The following ICOSLG variants were observed in gnomAD, a reference collection of about 807,000 sequenced individuals.
ICOSLG encodes ICOS ligand.
For missense variants in ICOSLG, 35 were observed against 158.4 expected (o/e 0.22, Z 4.18); for synonymous variants, 15 against 64.2 (o/e 0.23, Z 3.66).
In ICOSLG at chr21:44,227,933, C is replaced by T; in HGVS notation, c.*1597G>A. On this transcript the variant is annotated 3_prime_UTR_variant, in exon 6 of 6. Transcript: ENST00000400379. ...GGCAGGTGCCGGGGCTGGTCAGGGCCCAGGGCTGTACCCCTCAGCACTGGA... is the reference window on the plus strand; with the variant it reads ...GGCAGGTGCCGGGGCTGGTCAGGGCTCAGGGCTGTACCCCTCAGCACTGGA... 3 of 463,636 alleles carry T rather than the reference C, an allele frequency of 6.5e-6. 1 individual carries two copies. Among genetic ancestry groups the T allele is most frequent in the Non-Finnish European group, 7.5e-6 (3 of 398,930 alleles). 28.7% of individuals were successfully genotyped at this position (463,636 alleles called of 1,614,324 possible).
At chr21:44,225,552 T>G (rs1284211789), downstream of ICOSLG, 1 of 6,242 alleles carries the variant, frequency 1.6e-4, no homozygotes, top group African/African-American at 1.3e-3. Flanking sequence ...GCATGGGGAG[T>G]GGGAGGGGGG....
downstream of ICOSLG, chr21:44,224,523 G>A (rs2039942164): frequency 5.3e-5 from 3 of 56,794 alleles, 1 homozygote; most frequent in South Asian, 7.3e-4. Flanking sequence ...GACCAACATG[G>A]TGAAACCCTG....
rs944654335 is a variant in ICOSLG, at chr21:44,232,763, C to T, written c.698-1319G>A. ...TTGAGACACAGTCTTCCTCTGTCGC[C>T]CACTCTGGAGTGTAGTGGTGCGGTC... On this transcript the variant is annotated intron_variant, in intron 4 of 5. Coordinates refer to ENST00000400379, the Ensembl canonical transcript of ICOSLG. Among the ~76,000 whole-genome samples, 13 of 90,358 alleles carry T rather than the reference C, an allele frequency of 1.4e-4. 2 individuals are homozygous for T. The highest frequency in any genetic ancestry group is 5.3e-4 in the African/African-American group (12 of 22,690). The allele number at this position is 90,358 out of a possible 152,430, so 59.3% of individuals were successfully genotyped here. A position where few individuals can be genotyped will look rare whatever the true frequency, so the allele number is the denominator to read the frequency against.
intron 5 of ICOSLG, among the ~76,000 whole-genome samples, chr21:44,230,733 CG>C (rs373744284): frequency 4.4e-5 from 1 of 22,548 alleles, no homozygotes; most frequent in African/African-American, 1.3e-4. Flanking sequence ...CCTGCCCACC[CG>C]ACCTGCAGGG....
Position 44,227,324 on chromosome 21 carries a change from G to A in ICOSLG, c.*2206C>T, listed in dbSNP as rs1362168940. On this transcript the variant is annotated 3_prime_UTR_variant, in exon 6 of 6. Transcript: ENST00000400379. Reference sequence around the variant, plus strand: ...CTCAGTCCTGGGGCTTAGGACCTCTGGGTGCCCCCGCAGGTCCGTCCTGGA... The same window carrying A: ...CTCAGTCCTGGGGCTTAGGACCTCTAGGTGCCCCCGCAGGTCCGTCCTGGA... 3.3e-5 allele frequency: 25 copies of A among 761,040 alleles called. 9 individuals are homozygous for A. Among genetic ancestry groups the A allele is most frequent in the Non-Finnish European group, 3.9e-5 (25 of 634,958 alleles). The allele number at this position is 761,040 out of a possible 1,614,324, so 47.1% of individuals were successfully genotyped here. A position where few individuals can be genotyped will look rare whatever the true frequency, so the allele number is the denominator to read the frequency against.
downstream of ICOSLG, chr21:44,225,536 G>A (rs2039953596): frequency 6.9e-5 from 1 of 14,594 alleles, no homozygotes; most frequent in Non-Finnish European, 1.2e-4. Flanking sequence ...GGGTGAGCTG[G>A]GGACAGCATG....
In ICOSLG at chr21:44,229,874, G is replaced by A. The variant is rs533685185; in HGVS notation, c.1078C>T (p.Leu360Phe). Residue 360 changes from leucine to phenylalanine, a missense_variant, in exon 6 of 6, where the codon CTT becomes TTT. Coordinates refer to ENST00000400379, the Ensembl canonical transcript of ICOSLG. ...ACACCAGGATGCCATCCCATGCCAA[G>A]GGGAGGCTGCAGGAAATGCCATGCG... is the stretch of plus-strand genomic sequence containing the variant. 2 of 838,880 alleles carry A rather than the reference G, an allele frequency of 2.4e-6. 1 individual carries two copies. The highest frequency in any genetic ancestry group is 5.0e-5 in the African/African-American group (2 of 39,854). 52.0% of individuals were successfully genotyped at this position (838,880 alleles called of 1,614,324 possible).
rs115284714 is a variant in ICOSLG at position 44,229,031 on chromosome 21, C to T, written c.*499G>A. ...TGTCCACGCTCTGGGCGGTGAGCTCCGGTCAAACGTGGCCTTGGAAGGGAG... is the reference window on the plus strand; with the variant it reads ...TGTCCACGCTCTGGGCGGTGAGCTCTGGTCAAACGTGGCCTTGGAAGGGAG... On this transcript the variant is annotated 3_prime_UTR_variant, in exon 6 of 6. Coordinates refer to ENST00000400379, the Ensembl canonical transcript of ICOSLG. 2 of 388,020 alleles carry T rather than the reference C, an allele frequency of 5.2e-6. 1 individual carries two copies. The highest frequency in any genetic ancestry group is 1.8e-4 in the African/African-American group (2 of 11,210). 24.0% of individuals were successfully genotyped at this position (388,020 alleles called of 1,614,324 possible). A position where few individuals can be genotyped will look rare whatever the true frequency, so the allele number is the denominator to read the frequency against.
chr21:44,230,596 C>CACAGACCT (rs1205756463), intron 5 of ICOSLG, among the ~76,000 whole-genome samples: 1 of 13,418 alleles, frequency 7.5e-5, no homozygotes, highest in Non-Finnish European at 1.8e-4. Flanking sequence ...ATGGCTGAAA[C>CACAGACCT]ACAGACCTCC....
Position 44,227,359 on chromosome 21 carries a change from C to T in ICOSLG, c.*2171G>A. On this transcript the variant is annotated 3_prime_UTR_variant, in exon 6 of 6. Transcript: ENST00000400379. ...GCAGGTCCGTCCTGGAGTCACTTCA[C>T]AGTCACTGCAAATGGGCACCACAGC... The T allele has an allele frequency of 2.7e-6, 2 of 745,252 alleles. 1 individual carries two copies. The highest frequency in any genetic ancestry group is 3.2e-6 in the Non-Finnish European group (2 of 623,512). The allele number at this position is 745,252 out of a possible 1,614,324, so 46.2% of individuals were successfully genotyped here. A position where few individuals can be genotyped will look rare whatever the true frequency, so the allele number is the denominator to read the frequency against.
At chr21:44,224,312 G>A (rs1424124865), downstream of ICOSLG, 2 of 29,732 alleles carry the variant, frequency 6.7e-5, 1 homozygote, top group East Asian at 1.3e-3. Context: ...ATGAGCCACC[G>A]CACCCGGCCT....
chr21:44,231,023 A>AC (rs1212549986), intron 5 of ICOSLG, among the ~76,000 whole-genome samples: 4 of 77,650 alleles, frequency 5.2e-5, no homozygotes, highest in South Asian at 1.1e-3. Flanking sequence ...GGCGCCTGCC[A>AC]CACGCCCGGC....
rs1601930395 is a variant in ICOSLG at position 44,229,894 on chromosome 21, C to T, written c.1058G>A (p.Trp353Ter). ...GCCAAGGGGAGGCTGCAGGAAATGC[C>T]ATGCGCACCATCGAGGGCTTCGCTG... The change falls in exon 6 of 6, where the codon TGG becomes TAG. Residue 353 changes from tryptophan to a stop codon, truncating the protein, a stop_gained. Coordinates refer to ENST00000400379, the Ensembl canonical transcript of ICOSLG. LOFTEE classifies it low-confidence loss of function (END_TRUNC). 1.2e-6 allele frequency: 1 copy of T among 804,418 alleles called. No homozygotes were observed. The highest frequency in any genetic ancestry group is 2.7e-5 in the African/African-American group (1 of 36,690). The allele number at this position is 804,418 out of a possible 1,614,324, so 49.8% of individuals were successfully genotyped here.
At chr21:44,232,847 G>A (rs1169314656) in intron 4 of ICOSLG, among the ~76,000 whole-genome samples, 3 of 65,290 alleles carry the variant, frequency 4.6e-5, no homozygotes, top group Non-Finnish European at 6.2e-5. Flanking sequence ...TCAGCCTCCC[G>A]GGTAGCTGGG....
chr21:44,228,046 CT>C, exon 6 of ICOSLG: 2 of 199,680 alleles, frequency 1.0e-5, no homozygotes, highest in Non-Finnish European at 1.2e-5. Flanking sequence ...CCTGGGGACC[CT>C]CAGGGTTGAG....
In ICOSLG at chr21:44,230,123, C is replaced by T. The variant is rs1401453978; in HGVS notation, c.863-34G>A. 1.6e-4 allele frequency: 118 copies of T among 721,148 alleles called. 44 individuals carry two copies. Among genetic ancestry groups the T allele is most frequent in the Non-Finnish European group, 1.9e-4 (104 of 533,798 alleles). The allele number at this position is 721,148 out of a possible 1,614,324, so 44.7% of individuals were successfully genotyped here. A position where few individuals can be genotyped will look rare whatever the true frequency, so the allele number is the denominator to read the frequency against. ...CAAACCAAAATGGTCAGGGCAGCAGCGATGGGGGGTGTCCCTAAAGCCCCT... is the reference window on the plus strand; with the variant it reads ...CAAACCAAAATGGTCAGGGCAGCAGTGATGGGGGGTGTCCCTAAAGCCCCT... On this transcript the variant is annotated intron_variant, in intron 5 of 5. Transcript: ENST00000400379.
At position 44,230,128 on chromosome 21, in the gene ICOSLG, G is replaced by C. The variant is rs776422428; in HGVS notation, c.863-39C>G. The C allele has an allele frequency of 6.5e-5, 47 of 718,494 alleles. 18 individuals are homozygous for C. Among genetic ancestry groups the C allele is most frequent in the Non-Finnish European group, 8.8e-5 (47 of 533,080 alleles). 44.5% of individuals were successfully genotyped at this position (718,494 alleles called of 1,614,324 possible). A position where few individuals can be genotyped will look rare whatever the true frequency, so the allele number is the denominator to read the frequency against. ...CAAAATGGTCAGGGCAGCAGCGATG[G>C]GGGGTGTCCCTAAAGCCCCTGGTGT... On this transcript the variant is annotated intron_variant, in intron 5 of 5. Transcript: ENST00000400379.
Position 44,229,779 on chromosome 21 carries a change from C to T in ICOSLG, c.1173G>A (p.Pro391=), listed in dbSNP as rs1005876677. Residue 391 remains proline, a synonymous_variant, in exon 6 of 6, where the codon CCG becomes CCA. Transcript: ENST00000400379. ...GGTCGGGGCTGGGCACTGGGGAGCG[C>T]GGGGGTCTAGCACTCGTCTCTCTGC... The T allele has an allele frequency of 9.1e-5, 107 of 1,172,100 alleles. 22 individuals carry two copies. The highest frequency in any genetic ancestry group is 7.8e-4 in the African/African-American group (46 of 59,104). The allele number at this position is 1,172,100 out of a possible 1,614,324, so 72.6% of individuals were successfully genotyped here.
Position 44,229,921 on chromosome 21 carries a change from G to A in ICOSLG, c.1031C>T (p.Thr344Met), listed in dbSNP as rs768366789. Residue 344 changes from threonine (T) to methionine (M), a missense_variant, in exon 6 of 6, where the codon ACG (threonine) becomes ATG (methionine). Thr to Met is a moderately conservative substitution (Grantham distance 81, BLOSUM62 -1). Coordinates refer to ENST00000400379, the Ensembl canonical transcript of ICOSLG. ...TGCGCACCATCGAGGGCTTCGCTGC[G>A]TCTCCAGGAACAACAGTTGTTCAAG... 20 of 813,214 alleles carry A rather than the reference G, an allele frequency of 2.5e-5. 9 individuals carry two copies. Among genetic ancestry groups the A allele is most frequent in the Non-Finnish European group, 2.9e-5 (17 of 585,432 alleles). 50.4% of individuals were successfully genotyped at this position (813,214 alleles called of 1,614,324 possible).
Sources: allele counts gnomAD v4.1 joint callset (sites outside exome capture counted in the v4.1 genomes callset), GRCh38; gene constraint gnomAD v4.1.1; transcripts MANE v1.5; gene names NCBI Gene and HGNC (gene_info 2026-07-23, HGNC 2026-07-21).